The following DLG2 variants were observed in gnomAD, a reference collection of about 807,000 sequenced individuals.
DLG2 encodes the protein discs large MAGUK scaffold protein 2, also known as disks large homolog 2.
In DLG2, 45 loss-of-function variants were observed where a neutral mutation model predicts 132.5. That is an observed-to-expected ratio of 0.34 (90% CI 0.27 to 0.44). DLG2 has a LOEUF of 0.44. Ranked by LOEUF, DLG2 falls within the 20% of genes least tolerant of loss-of-function variation. The pLI, the probability that DLG2 is intolerant of heterozygous loss-of-function variation, is 1.00. For missense variants in DLG2, 1,045 were observed against 1,196.9 expected, an observed-to-expected ratio of 0.87 and a Z score of 1.87; for synonymous variants, 424 against 419.6, an observed-to-expected ratio of 1.01 and a Z score of -0.13.
chr11:85,200,501 C>T (rs573483917), intron 4 of DLG2, among the ~76,000 whole-genome samples: 10 of 152,304 alleles, frequency 6.6e-5, no homozygotes, highest in East Asian at 5.8e-4. Context: ...CATCCTACAG[C>T]GGTTCCCAAG....
chr11:83,466,148 G>A (rs998396930), intron 26 of DLG2, among the ~76,000 whole-genome samples: 4 of 152,196 alleles, frequency 2.6e-5, no homozygotes, highest in African/African-American at 7.2e-5. Flanking sequence ...TAAGAACGAT[G>A]TTCTATGTAT....
At chr11:84,366,755 G>A (rs1039014812) in intron 7 of DLG2, among the ~76,000 whole-genome samples, 2 of 152,130 alleles carry the variant, frequency 1.3e-5, no homozygotes, top group South Asian at 2.1e-4. Flanking sequence ...TCAACAAGAA[G>A]AGCTAACTAT....
chr11:85,200,114 C>G (rs982520565), intron 4 of DLG2, among the ~76,000 whole-genome samples: 3 of 152,072 alleles, frequency 2.0e-5, no homozygotes, highest in African/African-American at 4.8e-5. Context: ...GTAAACCCCC[C>G]CATGGAGCCC....
chr11:85,066,668 TAAAC>T (rs2064968580), intron 6 of DLG2, among the ~76,000 whole-genome samples: 1 of 151,556 alleles, frequency 6.6e-6, no homozygotes, highest in Admixed American at 6.6e-5. Context: ...ATTCACCACA[TAAAC>T]AAAGTTAATA....
At chr11:85,341,042 T>G (rs754770934) in intron 3 of DLG2, among the ~76,000 whole-genome samples, 37 of 152,220 alleles carry the variant, frequency 2.4e-4, no homozygotes, top group Non-Finnish European at 1.9e-4. Context: ...TGAATTCTTT[T>G]CTTGTTGAGT....
chr11:84,200,494 C>T (rs1171027927), intron 8 of DLG2, among the ~76,000 whole-genome samples: 2 of 152,052 alleles, frequency 1.3e-5, no homozygotes, highest in Non-Finnish European at 2.9e-5. Context: ...TAATGCTTCC[C>T]AATTTCATTG....
intron 2 of DLG2, among the ~76,000 whole-genome samples, chr11:85,606,179 TA>T (rs2080525514): frequency 6.6e-6 from 1 of 152,200 alleles, no homozygotes; most frequent in African/African-American, 2.4e-5. Context: ...ATGTATCCAT[TA>T]AAACAAGCAA....
intron 8 of DLG2, among the ~76,000 whole-genome samples, chr11:84,248,983 C>A (rs191554792): frequency 6.6e-6 from 1 of 152,288 alleles, no homozygotes; most frequent in East Asian, 1.9e-4. Context: ...TTGTTATTTG[C>A]GACTCATTTT....
chr11:84,739,022 C>G (rs1434346286), intron 6 of DLG2, among the ~76,000 whole-genome samples: 1 of 152,012 alleles, frequency 6.6e-6, no homozygotes, highest in East Asian at 1.9e-4. Flanking sequence ...AGATCTACTG[C>G]TTCCTAGGCC....
intron 27 of DLG2, among the ~76,000 whole-genome samples, chr11:83,460,710 A>T (rs1295279333): frequency 1.3e-5 from 2 of 152,192 alleles, no homozygotes. Context: ...AAAATAAATT[A>T]CTACTGAAAG....
chr11:84,566,937 T>A (rs2099458757), intron 6 of DLG2, among the ~76,000 whole-genome samples: 1 of 152,300 alleles, frequency 6.6e-6, no homozygotes, highest in East Asian at 1.9e-4. Context: ...ATGAGGACAA[T>A]GCAAAACACA....
intron 10 of DLG2, among the ~76,000 whole-genome samples, chr11:84,085,354 T>C (rs917968117): frequency 2.0e-5 from 3 of 152,248 alleles, no homozygotes; most frequent in African/African-American, 7.2e-5. Flanking sequence ...TGACAACATG[T>C]GTCTGGAGAG....
chr11:84,212,264 C>T (rs538199648), intron 8 of DLG2, among the ~76,000 whole-genome samples: 1 of 152,238 alleles, frequency 6.6e-6, no homozygotes, highest in Admixed American at 6.5e-5. Context: ...AGAGCATATT[C>T]CTTAAAGCAA....
intron 6 of DLG2, among the ~76,000 whole-genome samples, chr11:84,597,863 C>T (rs1305868722): frequency 1.3e-5 from 2 of 152,112 alleles, no homozygotes; most frequent in Admixed American, 6.6e-5. Flanking sequence ...ACAACAAAAT[C>T]CATTTAATGT....
rs143065797 is a variant in DLG2, at chr11:83,770,255, G to GTTTTTTTT, written c.1825+16427_1825+16434dup. The stretch of plus-strand genomic sequence containing the variant: ...TACCTTTTGTCTCGTGGTGTCTGGT[G>GTTTTTTTT]TTTTTTTTTGTTTTTTTGCTTTTTG... On this transcript the variant is annotated intron_variant, in intron 18 of 27. Coordinates refer to ENST00000376104, the MANE Select transcript of DLG2 (RefSeq NM_001142699.3). 8.2e-5 allele frequency among the ~76,000 whole-genome samples: 9 copies of GTTTTTTTT among 109,932 alleles called. 1 individual carries two copies. The highest frequency in any genetic ancestry group is 3.4e-4 in the South Asian group (1 of 2,924). The allele number at this position is 109,932 out of a possible 152,430, so 72.1% of individuals were successfully genotyped here.
chr11:83,875,886 G>C (rs1054879387), intron 15 of DLG2, among the ~76,000 whole-genome samples: 2 of 152,104 alleles, frequency 1.3e-5, no homozygotes, highest in Non-Finnish European at 2.9e-5. Context: ...TTTGTCTAAG[G>C]TTGAGGGTAC....
rs149675197 is a variant in DLG2 at position 84,493,194 on chromosome 11, A to G, written c.519+41376T>C. ...TGGATTTATCAGGTCAGATTCAAAT[A>G]TCATCCAGCTGATTACTACTGACTC... On this transcript the variant is annotated intron_variant, in intron 7 of 27. Transcript: ENST00000376104. 2.0e-4 allele frequency among the ~76,000 whole-genome samples: 30 copies of G among 152,248 alleles called. No individual in the cohort carries two copies. In the East Asian group the frequency reaches 5.8e-3, roughly 29 times the overall value.
chr11:85,264,959 A>G (rs1178852262), intron 4 of DLG2, among the ~76,000 whole-genome samples: 3 of 152,298 alleles, frequency 2.0e-5, no homozygotes, highest in East Asian at 1.9e-4. Flanking sequence ...CTTACCTTCT[A>G]TCATCCTCCA....
Position 85,080,418 on chromosome 11 carries a change from G to A in DLG2, c.357+31243C>T, listed in dbSNP as rs921027474. Among the ~76,000 whole-genome samples the A allele has an allele frequency of 2.6e-5, 4 of 152,088 alleles. 1 individual carries two copies. Among genetic ancestry groups the A allele is most frequent in the Admixed American group, 6.6e-5 (1 of 15,256 alleles). On this transcript the variant is annotated intron_variant, in intron 6 of 27. Coordinates refer to ENST00000376104, the MANE Select transcript of DLG2 (RefSeq NM_001142699.3). ...GACAGGTAAAGAAAACTCATGGGTA[G>A]CTAAACATTTAAATGATCTAATATT...
Sources: gnomAD v4.1 joint callset for allele counts (sites outside exome capture counted in the v4.1 genomes callset) on GRCh38, gnomAD v4.1.1 for gene constraint, MANE v1.5 for transcripts, NCBI Gene and HGNC (gene_info 2026-07-23, HGNC 2026-07-21) for gene names.